The following NEMP2 variants were observed in gnomAD, a reference collection of about 807,000 sequenced individuals.
NEMP2 encodes the protein nuclear envelope integral membrane protein 2.
In NEMP2, 53 loss-of-function variants were observed where a neutral mutation model predicts 54.2. The observed-to-expected ratio is 0.98, with a 90% confidence interval of 0.78 to 1.23. NEMP2 has a LOEUF of 1.23. Among genes scored for constraint, NEMP2 ranks in the 50% most tolerant of loss-of-function variants. The probability of loss-of-function intolerance (pLI) is 0.00; values close to 1 mark genes in which losing one functional copy is unlikely to be tolerated. For synonymous variants in NEMP2, 197 were observed against 190.3 expected (o/e 1.04, Z -0.29); for missense variants, 455 against 511.3 (o/e 0.89, Z 1.06).
At chr2:190,585,626 G>C in the NEMP2 span, among the ~76,000 whole-genome samples, 2 of 152,140 alleles carry the variant, frequency 1.3e-5, no homozygotes, top group African/African-American at 2.4e-5. The surrounding 1 kb of genome is among the most constrained non-coding windows in gnomAD (Gnocchi z 5.3). Flanking sequence ...CAGCAGCCAG[G>C]CCTCACCATA....
the NEMP2 span, among the ~76,000 whole-genome samples, chr2:190,557,838 G>T: frequency 6.6e-6 from 1 of 152,208 alleles, no homozygotes; most frequent in Admixed American, 6.5e-5. Context: ...TGCTGGAGAG[G>T]ATGTGGAGAA....
the NEMP2 span, among the ~76,000 whole-genome samples, chr2:190,473,173 A>G: frequency 2.0e-5 from 3 of 152,230 alleles, no homozygotes; most frequent in Admixed American, 6.5e-5. Context: ...AAGAAACTGC[A>G]TCAACCAACA....
the NEMP2 span, among the ~76,000 whole-genome samples, chr2:190,490,187 A>G: frequency 6.6e-6 from 1 of 152,128 alleles, no homozygotes; most frequent in East Asian, 1.9e-4. This position sits in a 1 kb window ranked among gnomAD's most constrained non-coding sequence, Gnocchi z 4.5. Flanking sequence ...TCAAATACAT[A>G]TAAGGCTATA....
Position 190,528,998 on chromosome 2 carries a change from C to T in NEMP2, c.98-3620G>A, listed in dbSNP as rs1439058336. 1.3e-5 allele frequency among the ~76,000 whole-genome samples: 2 copies of T among 152,118 alleles called. No homozygotes were observed. The highest frequency in any genetic ancestry group is 4.8e-5 in the African/African-American group (2 of 41,422). On this transcript the variant is annotated intron_variant, in intron 1 of 8. Coordinates refer to ENST00000409150, the MANE Select transcript of NEMP2 (RefSeq NM_001142645.2). The surrounding 1 kb of genome is among the most constrained non-coding windows in gnomAD (Gnocchi z 4.3). ...TCCAGAATTGCTGCCCCCCAACTAC[C>T]ATGTTTTCCCCTACAACACACTTTT...
the NEMP2 span, among the ~76,000 whole-genome samples, chr2:190,615,206 C>T: frequency 6.6e-6 from 1 of 152,152 alleles, no homozygotes; most frequent in Admixed American, 6.5e-5. This position sits in a 1 kb window ranked among gnomAD's most constrained non-coding sequence, Gnocchi z 4.7. Context: ...ATTCAGATGC[C>T]AATCACAAGC....
At chr2:190,581,865 T>C in the NEMP2 span, among the ~76,000 whole-genome samples, 17 of 152,212 alleles carry the variant, frequency 1.1e-4, no homozygotes, top group African/African-American at 3.6e-4. Flanking sequence ...ATTTTGCAAT[T>C]CCTAAAAAGT....
At chr2:190,590,486 T>C in the NEMP2 span, among the ~76,000 whole-genome samples, 1 of 152,202 alleles carries the variant, frequency 6.6e-6, no homozygotes, top group South Asian at 2.1e-4. This position sits in a 1 kb window ranked among gnomAD's most constrained non-coding sequence, Gnocchi z 5.1. Flanking sequence ...CATCTGGTAT[T>C]GTGGAACATT....
the NEMP2 span, among the ~76,000 whole-genome samples, chr2:190,585,866 A>C: frequency 1.3e-5 from 2 of 152,160 alleles, no homozygotes; most frequent in African/African-American, 4.8e-5. This position sits in a 1 kb window ranked among gnomAD's most constrained non-coding sequence, Gnocchi z 5.3. Flanking sequence ...GGCAGTTACA[A>C]AACAGGGGCC....
At chr2:190,426,866 T>C in the NEMP2 span, among the ~76,000 whole-genome samples, 23 of 152,366 alleles carry the variant, frequency 1.5e-4, no homozygotes, top group Non-Finnish European at 8.8e-5. This position sits in a 1 kb window ranked among gnomAD's most constrained non-coding sequence, Gnocchi z 4.7. Flanking sequence ...TAGCTGACTT[T>C]TTCTGAAACT....
the NEMP2 span, among the ~76,000 whole-genome samples, chr2:190,558,140 G>T: frequency 6.6e-6 from 1 of 152,144 alleles, no homozygotes; most frequent in East Asian, 1.9e-4. The surrounding 1 kb of genome is among the most constrained non-coding windows in gnomAD (Gnocchi z 4.4). Context: ...ATACTATGAC[G>T]CCATAAAAAG....
chr2:190,586,676 T>G, the NEMP2 span, among the ~76,000 whole-genome samples: 1 of 152,184 alleles, frequency 6.6e-6, no homozygotes, highest in East Asian at 1.9e-4. The surrounding 1 kb of genome is among the most constrained non-coding windows in gnomAD (Gnocchi z 4.5). Context: ...CAACCCCAAC[T>G]AAGAGGTTTT....
the NEMP2 span, among the ~76,000 whole-genome samples, chr2:190,605,289 A>AC: frequency 2.8e-4 from 31 of 112,008 alleles, 1 homozygote; most frequent in South Asian, 9.2e-3. Flanking sequence ...TGCCCGCCCC[A>AC]CTATTCCCTG....
chr2:190,590,639 T>G, the NEMP2 span, among the ~76,000 whole-genome samples: 1 of 152,172 alleles, frequency 6.6e-6, no homozygotes. The surrounding 1 kb of genome is among the most constrained non-coding windows in gnomAD (Gnocchi z 5.1). Context: ...GAGTAATGAT[T>G]AGGAGCAAAG....
downstream of NEMP2, chr2:190,499,876 T>C (rs1689934140): frequency 1.9e-6 from 3 of 1,554,314 alleles, no homozygotes; most frequent in African/African-American, 1.4e-5. The surrounding 1 kb of genome is among the most constrained non-coding windows in gnomAD (Gnocchi z 6.0). Context: ...TCTATCCTTA[T>C]TCCTCTATTA....
the NEMP2 span, chr2:190,648,388 TCCTC>T: frequency 6.6e-6 from 1 of 152,158 alleles, no homozygotes; most frequent in Non-Finnish European, 1.5e-5. Flanking sequence ...TGCCGCCCCT[TCCTC>T]CATGCGGTCG....
the NEMP2 span, among the ~76,000 whole-genome samples, chr2:190,615,323 A>C: frequency 1.3e-5 from 2 of 152,144 alleles, no homozygotes; most frequent in Non-Finnish European, 2.9e-5. This position sits in a 1 kb window ranked among gnomAD's most constrained non-coding sequence, Gnocchi z 4.7. Context: ...TAATTCAGGG[A>C]AAAATTGACT....
At chr2:190,475,094 C>T in the NEMP2 span, among the ~76,000 whole-genome samples, 2 of 151,988 alleles carry the variant, frequency 1.3e-5, no homozygotes, top group African/African-American at 4.8e-5. Context: ...TATGACAAAC[C>T]CACAGCCAAT....
At chr2:190,625,253 T>A in the NEMP2 span, 1 of 152,216 alleles carries the variant, frequency 6.6e-6, no homozygotes, top group Non-Finnish European at 1.5e-5. Context: ...CGATGGAATA[T>A]TATTTGGCCA....
the NEMP2 span, among the ~76,000 whole-genome samples, chr2:190,490,021 G>A: frequency 6.6e-6 from 1 of 152,112 alleles, no homozygotes; most frequent in Non-Finnish European, 1.5e-5. This position sits in a 1 kb window ranked among gnomAD's most constrained non-coding sequence, Gnocchi z 4.5. Context: ...GTGGACTATT[G>A]TTAAAGAGAT....
Sources: gnomAD v4.1 joint callset for allele counts (sites outside exome capture counted in the v4.1 genomes callset) on GRCh38, gnomAD v4.1.1 for gene constraint, Gnocchi (gnomAD v3.1) non-coding constraint, MANE v1.5 for transcripts, NCBI Gene and HGNC (gene_info 2026-07-23, HGNC 2026-07-21) for gene names.